PPP1R18: variants seen among roughly 807,000 people sequenced by gnomAD.
The protein encoded by PPP1R18 is phostensin.
In PPP1R18, 31 loss-of-function variants were observed where a neutral mutation model predicts 54.8. The ratio of observed to expected loss-of-function variants is 0.57; its 90% confidence interval spans 0.43 to 0.76. PPP1R18 has a LOEUF of 0.76. PPP1R18 is among the 30% of genes least tolerant of loss of function. The pLI, the probability that PPP1R18 is intolerant of heterozygous loss-of-function variation, is 0.00. For synonymous variants in PPP1R18, 310 were observed against 320.2 expected, an observed-to-expected ratio of 0.97 and a Z score of 0.34; for missense variants, 685 against 776.1, an observed-to-expected ratio of 0.88 and a Z score of 1.39.
chr6:30,685,143 A>G lies in PPP1R18; in HGVS notation c.876T>C (p.Thr292=), dbSNP rs928055161. ...TTGTCAGGGTCTCGGACAGCTCTGC[A>G]GTCTCTTTTGGAGCTACCCCTGGAA... is the stretch of plus-strand genomic sequence containing the variant. ...WPVPGVAPKE[T]AELSETLTRE... is the part of the protein sequence containing the mutation. Residue 292 remains threonine (T), a synonymous_variant, in exon 1 of 3, where the codon ACT becomes ACC. Transcript: ENST00000274853. This position sits in a 1 kb window ranked among gnomAD's most constrained non-coding sequence, Gnocchi z 5.0. 8 of 1,612,862 alleles carry G rather than the reference A, an allele frequency of 5.0e-6. No homozygotes were observed. The African/African-American group carries it at 9.3e-5, about 19-fold the overall frequency.
At position 30,679,239 on chromosome 6, in the gene PPP1R18, C is replaced by T; in HGVS notation, c.1762G>A (p.Glu588Lys). 1 of 1,577,730 alleles carries T rather than the reference C, an allele frequency of 6.3e-7. No homozygotes were observed. Among genetic ancestry groups the T allele is most frequent in the Non-Finnish European group, 8.6e-7 (1 of 1,161,976 alleles). ...AQPDDEEDEE[E>K]LLLLQPELQG... Reference sequence around the variant, plus strand: ...AGCTCTGGCTGCAGCAGCAGCAGCTCTTCCTCATCCTCTTCGTCGTCGGGT... The same window carrying T: ...AGCTCTGGCTGCAGCAGCAGCAGCTTTTCCTCATCCTCTTCGTCGTCGGGT... The change falls in exon 2 of 3, where the codon GAG becomes AAG. Residue 588 changes from glutamate to lysine, a missense_variant. Coordinates refer to ENST00000274853, the MANE Select transcript of PPP1R18 (RefSeq NM_133471.4).
In PPP1R18 at chr6:30,679,191, C is replaced by T. The variant is rs1184304573; in HGVS notation, c.1810G>A (p.Ala604Thr). ...AGCCTCCGCTTACCCACAATCAGGG[C>T]CTTGGTGCGCAGCCCGCCCTGGAGC... ...PELQGGLRTK[A>T]LIVDESCRR Residue 604 changes from alanine to threonine, a missense_variant, in exon 2 of 3, where the codon GCC (alanine) becomes ACC (threonine). By Grantham distance (58) the Ala-to-Thr change is moderately conservative. Coordinates refer to ENST00000274853, the MANE Select transcript of PPP1R18 (RefSeq NM_133471.4). 1.1e-5 allele frequency: 17 copies of T among 1,593,036 alleles called. No individual in the cohort carries two copies. The highest frequency in any genetic ancestry group is 1.1e-4 in the Admixed American group (6 of 56,768).
chr6:30,686,286 T>G lies in PPP1R18; in HGVS notation c.-268A>C. ...GTGATGTGAGAGGAAGAGTCCGGATTGGAGGCAATGAGGGCAGGAGCCAGA... is the reference window on the plus strand; with the variant it reads ...GTGATGTGAGAGGAAGAGTCCGGATGGGAGGCAATGAGGGCAGGAGCCAGA... On this transcript the variant is annotated 5_prime_UTR_variant, in exon 1 of 3. Transcript: ENST00000274853. 3 of 481,232 alleles carry G rather than the reference T, an allele frequency of 6.2e-6. No individual in the cohort carries two copies. The highest frequency in any genetic ancestry group is 3.7e-6 in the Non-Finnish European group (1 of 272,634). 29.8% of individuals were successfully genotyped at this position (481,232 alleles called of 1,614,324 possible).
chr6:30,685,803 C>T lies in PPP1R18; in HGVS notation c.216G>A (p.Pro72=), dbSNP rs1239604924. The part of the protein sequence containing the change: ...LGTVEAGPPD[P]DESAVLLEAI... The stretch of plus-strand genomic sequence containing the variant: ...CCTCCAGAAGGACCGCAGACTCATC[C>T]GGGTCTGGAGGTCCAGCCTCTACAG... Residue 72 remains proline (P), a synonymous_variant, in exon 1 of 3, where the codon CCG becomes CCA. Coordinates refer to ENST00000274853, the MANE Select transcript of PPP1R18 (RefSeq NM_133471.4). This position sits in a 1 kb window ranked among gnomAD's most constrained non-coding sequence, Gnocchi z 5.0. 1.2e-6 allele frequency: 2 copies of T among 1,612,904 alleles called. No homozygotes were observed. Among genetic ancestry groups the T allele is most frequent in the Non-Finnish European group, 1.7e-6 (2 of 1,180,024 alleles).
rs1770724863 is a variant in PPP1R18, at chr6:30,684,334, AAAAG to A, written c.1611+70_1611+73del. ...GGAAGACAAGAAAACAGGGGTATAA[AAAAG>A]AAAGAGACCAGAGTCCAGAGAAAAT... On this transcript the variant is annotated intron_variant, in intron 1 of 2. Coordinates refer to ENST00000274853, the MANE Select transcript of PPP1R18 (RefSeq NM_133471.4). The surrounding 1 kb of genome is among the most constrained non-coding windows in gnomAD (Gnocchi z 6.0). 2 of 1,440,780 alleles carry A rather than the reference AAAAG, an allele frequency of 1.4e-6. No individual in the cohort carries two copies. The highest frequency in any genetic ancestry group is 1.4e-5 in the African/African-American group (1 of 69,472). The allele number at this position is 1,440,780 out of a possible 1,614,324, so 89.2% of individuals were successfully genotyped here. A position where few individuals can be genotyped will look rare whatever the true frequency, so the allele number is the denominator to read the frequency against.
In PPP1R18 at chr6:30,683,978, C is replaced by T. The variant is rs1158644532; in HGVS notation, c.1611+430G>A. Among the ~76,000 whole-genome samples, 1 of 152,072 alleles carries T rather than the reference C, an allele frequency of 6.6e-6. No homozygotes were observed. The highest frequency in any genetic ancestry group is 2.4e-5 in the African/African-American group (1 of 41,392). On this transcript the variant is annotated intron_variant, in intron 1 of 2. Transcript: ENST00000274853. This position sits in a 1 kb window ranked among gnomAD's most constrained non-coding sequence, Gnocchi z 5.1. ...CCACCCCCTCCACCACCCCAGGCTC[C>T]CTATCCCTTCTCCCCAGAAAAACTG...
intron 2 of PPP1R18, among the ~76,000 whole-genome samples, chr6:30,678,616 G>T (rs1186466814): frequency 6.6e-6 from 1 of 151,836 alleles, no homozygotes; most frequent in Non-Finnish European, 1.5e-5. Context: ...CTGACTTCGT[G>T]ATCCGCCCGC....
chr6:30,680,051 G>A (rs968418899), intron 1 of PPP1R18, among the ~76,000 whole-genome samples: 1 of 152,144 alleles, frequency 6.6e-6, no homozygotes, highest in Non-Finnish European at 1.5e-5. Context: ...GGAACCAAGA[G>A]ACTCCAGCAA....
Position 30,686,545 on chromosome 6 carries a change from G to T in PPP1R18, c.-527C>A. 6.3e-6 allele frequency: 1 copy of T among 157,598 alleles called. No homozygotes were observed. The allele number at this position is 157,598 out of a possible 1,614,324, so 9.8% of individuals were successfully genotyped here. On this transcript the variant is annotated 5_prime_UTR_variant, in exon 1 of 3. Transcript: ENST00000274853. ...GCAACGGGACCTGAGGGGGTGTTGG[G>T]GAGGCAAGGAGGGGCGGAGAGCGAA...
chr6:30,688,211 T>C (rs1172107514), upstream of PPP1R18: 1 of 180,480 alleles, frequency 5.5e-6, no homozygotes, highest in Non-Finnish European at 1.2e-5. This position sits in a 1 kb window ranked among gnomAD's most constrained non-coding sequence, Gnocchi z 5.9. Flanking sequence ...CCGGGAGTGG[T>C]GAGGCAAGGT....
chr6:30,686,031 G>T lies in PPP1R18; in HGVS notation c.-13C>A. On this transcript the variant is annotated 5_prime_UTR_variant, in exon 1 of 3. Coordinates refer to ENST00000274853, the MANE Select transcript of PPP1R18 (RefSeq NM_133471.4). ...GGATGGTGGCCATGGTCGTCTTGAG[G>T]TGAGGGTAGGGAGCACTGGGGACAG... 6.4e-7 allele frequency: 1 copy of T among 1,551,076 alleles called. No individual in the cohort carries two copies. Among genetic ancestry groups the T allele is most frequent in the Non-Finnish European group, 8.6e-7 (1 of 1,156,234 alleles).
chr6:30,679,252 T>C lies in PPP1R18; in HGVS notation c.1749A>G (p.Glu583=). 6.4e-7 allele frequency: 1 copy of C among 1,574,648 alleles called. No homozygotes were observed. The highest frequency in any genetic ancestry group is 1.4e-5 in the African/African-American group (1 of 73,118). The part of the protein sequence containing the change: ...PNPPAAQPDD[E]EDEEELLLLQ... ...GCAGCAGCAGCTCTTCCTCATCCTC[T>C]TCGTCGTCGGGTTGGGCTGCTGGAG... Residue 583 remains glutamate (E), a synonymous_variant, in exon 2 of 3, where the codon GAA becomes GAG. Transcript: ENST00000274853.
chr6:30,686,106 T>C lies in PPP1R18; in HGVS notation c.-88A>G, dbSNP rs1583007092. 10 of 1,370,712 alleles carry C rather than the reference T, an allele frequency of 7.3e-6. No individual in the cohort carries two copies. Among genetic ancestry groups the C allele is most frequent in the Non-Finnish European group, 9.8e-6 (10 of 1,018,182 alleles). 84.9% of individuals were successfully genotyped at this position (1,370,712 alleles called of 1,614,324 possible). A position where few individuals can be genotyped will look rare whatever the true frequency, so the allele number is the denominator to read the frequency against. ...GAGTGAGACAGCCCGGGGGTGAGAC[T>C]GAGGGTGGGAGGAGAGGAAGTGGAG... On this transcript the variant is annotated 5_prime_UTR_variant, in exon 1 of 3. Transcript: ENST00000274853.
At position 30,685,765 on chromosome 6, in the gene PPP1R18, A is replaced by C; in HGVS notation, c.254T>G (p.Val85Gly). 6.2e-7 allele frequency: 1 copy of C among 1,613,008 alleles called. No individual in the cohort carries two copies. Among genetic ancestry groups the C allele is most frequent in the South Asian group, 1.1e-5 (1 of 91,088 alleles). Residue 85 changes from valine (V) to glycine (G), a missense_variant, in exon 1 of 3, where the codon GTG becomes GGG. By Grantham distance (109) the Val-to-Gly change is moderately radical. Coordinates refer to ENST00000274853, the MANE Select transcript of PPP1R18 (RefSeq NM_133471.4). The surrounding 1 kb of genome is among the most constrained non-coding windows in gnomAD (Gnocchi z 5.0). ...CTGCCGGATGAATCGGTTCTGGTGC[A>C]CTGGCCCGATGGCCTCCAGAAGGAC... ...SAVLLEAIGP[V>G]HQNRFIRQER... is the part of the protein sequence containing the mutation.
rs913114676 is a variant in PPP1R18, at chr6:30,683,459, A to T, written c.1611+949T>A. On this transcript the variant is annotated intron_variant, in intron 1 of 2. Transcript: ENST00000274853. This position sits in a 1 kb window ranked among gnomAD's most constrained non-coding sequence, Gnocchi z 5.1. ...GCCTCAGCCCCAACCCCTGTCCAGAACTCCCACTGTGCTCCCTGGCCAGTG... is the reference window on the plus strand; with the variant it reads ...GCCTCAGCCCCAACCCCTGTCCAGATCTCCCACTGTGCTCCCTGGCCAGTG... 5.9e-5 allele frequency among the ~76,000 whole-genome samples: 9 copies of T among 151,848 alleles called. No homozygotes were observed. Among genetic ancestry groups the T allele is most frequent in the Non-Finnish European group, 1.0e-4 (7 of 67,948 alleles).
chr6:30,680,333 G>A (rs1770471332), intron 1 of PPP1R18, among the ~76,000 whole-genome samples: 1 of 152,130 alleles, frequency 6.6e-6, no homozygotes, highest in East Asian at 1.9e-4. Context: ...ATTAAGTCTA[G>A]GAGCCAAAGG....
rs2127602726 is a variant in PPP1R18, at chr6:30,676,491, C to T, written c.*778G>A. ...TGGGGAAGGAGAGGTGAGGTGTCTC[C>T]TTAGCCACCCGACACCATCTCAATT... is the stretch of plus-strand genomic sequence containing the variant. On this transcript the variant is annotated 3_prime_UTR_variant, in exon 3 of 3. Transcript: ENST00000274853. The T allele has an allele frequency of 6.6e-6, 1 of 152,330 alleles. No individual in the cohort carries two copies. Among genetic ancestry groups the T allele is most frequent in the South Asian group, 2.1e-4 (1 of 4,838 alleles). 9.4% of individuals were successfully genotyped at this position (152,330 alleles called of 1,614,324 possible).
chr6:30,680,646 G>C (rs1365230964), intron 1 of PPP1R18, among the ~76,000 whole-genome samples: 1 of 151,726 alleles, frequency 6.6e-6, no homozygotes, highest in Admixed American at 6.6e-5. Context: ...CTGGGCAATA[G>C]AGTGACACTG....
chr6:30,685,892 GC>G lies in PPP1R18; in HGVS notation c.126del (p.Leu43SerfsTer20). ...RLSQMPAWKR[G>X]LLERRRAKLG... is the part of the protein sequence containing the mutation. Reference sequence around the variant, plus strand: ...AGCTTGGCCCGGCGGCGCTCCAGGAGCCCTCGTTTCCAGGCTGGCATCTGGG... The same window carrying G: ...AGCTTGGCCCGGCGGCGCTCCAGGAGCCTCGTTTCCAGGCTGGCATCTGGG... On this transcript the variant is annotated frameshift_variant, in exon 1 of 3. Transcript: ENST00000274853. LOFTEE classifies it high-confidence loss of function. This position sits in a 1 kb window ranked among gnomAD's most constrained non-coding sequence, Gnocchi z 5.0. 6.2e-7 allele frequency: 1 copy of G among 1,610,882 alleles called. No homozygotes were observed. The highest frequency in any genetic ancestry group is 8.5e-7 in the Non-Finnish European group (1 of 1,180,016).
Sources: allele counts gnomAD v4.1 joint callset (sites outside exome capture counted in the v4.1 genomes callset), GRCh38; gene constraint gnomAD v4.1.1; non-coding constraint Gnocchi (gnomAD v3.1); transcripts MANE v1.5; gene names NCBI Gene and HGNC (gene_info 2026-07-23, HGNC 2026-07-21).